DNAH5: variants seen among roughly 807,000 people sequenced by gnomAD.
The protein encoded by DNAH5 is axonemal beta dynein heavy chain 5.
A neutral mutation model predicts 518.2 loss-of-function variants in DNAH5; 372 were observed. The observed-to-expected ratio is 0.72, with a 90% confidence interval of 0.66 to 0.78. The LOEUF is 0.78. Among genes scored for constraint, DNAH5 ranks in the 30% least tolerant of loss-of-function variants. DNAH5 has a pLI of 0.00. For missense variants in DNAH5, 5,523 were observed against 5,687.0 expected (o/e 0.97, Z 0.93); for synonymous variants, 2,039 against 2,025.9 (o/e 1.01, Z -0.17).
rs114070962 is a variant in DNAH5 at position 13,943,304 on chromosome 5, C to T, written c.57+1078G>A. Among the ~76,000 whole-genome samples the T allele has an allele frequency of 8.0e-3, 1,220 of 152,268 alleles. 16 individuals carry two copies. The highest frequency in any genetic ancestry group is 0.028 in the African/African-American group (1,155 of 41,538). ...GAAGATTATTTTAAAATGGAGAGAACTCGCAATCTAGCAAGAGAAAGAGAC... is the reference window on the plus strand; with the variant it reads ...GAAGATTATTTTAAAATGGAGAGAATTCGCAATCTAGCAAGAGAAAGAGAC... On this transcript the variant is annotated intron_variant, in intron 1 of 78. Transcript: ENST00000265104.
chr5:13,965,874 T>C (rs1420794209), intron 1 of DNAH5, among the ~76,000 whole-genome samples: 1 of 152,178 alleles, frequency 6.6e-6, no homozygotes, highest in Non-Finnish European at 1.5e-5. Flanking sequence ...CAAGGTTCCA[T>C]GGACACCAAC....
chr5:13,968,525 G>C (rs1289156860), intron 1 of DNAH5, among the ~76,000 whole-genome samples: 3 of 152,194 alleles, frequency 2.0e-5, no homozygotes, highest in Non-Finnish European at 2.9e-5. Flanking sequence ...AATCATAAAG[G>C]GATGCTAAAT....
chr5:13,777,418 T>G, intron 53 of DNAH5, 63 bp from the exon 54 acceptor site: 1 of 1,480,750 alleles, frequency 6.8e-7, no homozygotes, highest in Non-Finnish European at 9.4e-7. Context: ...AAGAACCTTG[T>G]AACAACGCAT....
Position 13,753,776 on chromosome 5 carries a change from G to A in DNAH5, c.10556-227C>T, listed in dbSNP as rs185598255. ...TGATACCTACTAGCAGTCAAGCACT[G>A]GATTATCTTTACTCTCATTAGAAGT... On this transcript the variant is annotated intron_variant, in intron 62 of 78. Coordinates refer to ENST00000265104, the MANE Select transcript of DNAH5 (RefSeq NM_001369.3). Among the ~76,000 whole-genome samples the A allele has an allele frequency of 2.0e-5, 3 of 152,220 alleles. No individual in the cohort carries two copies. In the East Asian group the frequency reaches 5.8e-4, roughly 29 times the overall value.
intron 65 of DNAH5, among the ~76,000 whole-genome samples, chr5:13,750,491 A>C (rs1022573903): frequency 1.3e-5 from 2 of 152,230 alleles, no homozygotes; most frequent in Non-Finnish European, 2.9e-5. Context: ...GTTATGTTTC[A>C]TTAGCATAAT....
Position 13,885,173 on chromosome 5 carries a change from G to T in DNAH5, c.2799C>A (p.Ala933=), listed in dbSNP as rs770888912. The T allele has an allele frequency of 2.5e-6, 4 of 1,614,008 alleles. No homozygotes were observed. Among genetic ancestry groups the T allele is most frequent in the Non-Finnish European group, 3.4e-6 (4 of 1,179,990 alleles). ...TGACTGTCGTCAAAAGCAGGGCATT[G>T]GCCCTGGCATTAATAGATGATGTCA... ...DTLTSSINAR[A]NALLLTTVTR... is the part of the protein sequence containing the mutation. Residue 933 remains alanine, a synonymous_variant, in exon 19 of 79, where the codon GCC becomes GCA. Transcript: ENST00000265104.
chr5:13,798,890 C>T (rs1758279667), intron 47 of DNAH5, among the ~76,000 whole-genome samples: 1 of 151,768 alleles, frequency 6.6e-6, no homozygotes, highest in Admixed American at 6.6e-5. Flanking sequence ...CCTCAGCCTC[C>T]CAGTAGTTGG....
chr5:13,722,848 A>G (rs1057374111), intron 70 of DNAH5, among the ~76,000 whole-genome samples: 4 of 152,222 alleles, frequency 2.6e-5, no homozygotes, highest in Non-Finnish European at 5.9e-5. Flanking sequence ...CCAACTTTGT[A>G]GAATACACAG....
intron 35 of DNAH5, among the ~76,000 whole-genome samples, chr5:13,835,146 A>T (rs1202117820): frequency 1.3e-5 from 2 of 152,036 alleles, no homozygotes; most frequent in Non-Finnish European, 2.9e-5. Context: ...TTATCCAGGC[A>T]TGATGGCACG....
At chr5:13,983,983 G>A (rs958838695) in intron 1 of DNAH5, among the ~76,000 whole-genome samples, 1 of 152,176 alleles carries the variant, frequency 6.6e-6, no homozygotes, top group African/African-American at 2.4e-5. Flanking sequence ...TAGGTGGGAG[G>A]TGGAAGTAGA....
intron 41 of DNAH5, 81 bp from the exon 42 acceptor site, chr5:13,817,775 G>T: frequency 1.5e-6 from 2 of 1,356,046 alleles, no homozygotes; most frequent in Non-Finnish European, 1.0e-6. Context: ...AATTTGTGGT[G>T]TACTGTCAGC....
intron 30 of DNAH5, among the ~76,000 whole-genome samples, chr5:13,854,571 T>C (rs1346799741): frequency 6.6e-6 from 1 of 152,116 alleles, no homozygotes; most frequent in African/African-American, 2.4e-5. Context: ...AGACACAGAC[T>C]GGCAAATTTA....
chr5:13,735,468 A>G (rs890250465), intron 67 of DNAH5, 147 bp from the exon 68 acceptor site: 2 of 777,262 alleles, frequency 2.6e-6, no homozygotes, highest in African/African-American at 1.8e-5. Context: ...AATCTAAAAT[A>G]ACAAGAATTC....
chr5:13,813,430 GA>G (rs201129753), intron 43 of DNAH5, among the ~76,000 whole-genome samples: 11 of 111,622 alleles, frequency 9.9e-5, no homozygotes, highest in African/African-American at 3.3e-4. Context: ...CTGGCTATGT[GA>G]AAAAAAAATG....
Position 13,700,864 on chromosome 5 carries a change from G to C in DNAH5, c.13499C>G (p.Thr4500Ser), listed in dbSNP as rs1292892510. 1.9e-6 allele frequency: 3 copies of C among 1,614,000 alleles called. No homozygotes were observed. Among genetic ancestry groups the C allele is most frequent in the Admixed American group, 3.3e-5 (2 of 60,010 alleles). The change falls in exon 78 of 79, where the codon ACT becomes AGT. Residue 4500 changes from threonine to serine, a missense_variant. Physicochemically the swap from Thr to Ser is moderately conservative, Grantham distance 58. Transcript: ENST00000265104. Reference sequence around the variant, plus strand: ...CAGAGCCCAGCCTTTGTTGGCCCGAGTTATTTCCTATTCAGGGCAGCAAAA... The same window carrying C: ...CAGAGCCCAGCCTTTGTTGGCCCGACTTATTTCCTATTCAGGGCAGCAAAA... ...GFLTAMRQEI[T>S]RANKGWALDN...
intron 68 of DNAH5, among the ~76,000 whole-genome samples, chr5:13,730,475 C>A (rs942681906): frequency 6.6e-6 from 1 of 152,098 alleles, no homozygotes; most frequent in Non-Finnish European, 1.5e-5. Context: ...CGTTCTGTAG[C>A]CCAGGCTGGA....
intron 29 of DNAH5, among the ~76,000 whole-genome samples, chr5:13,861,580 C>T (rs1434604031): frequency 6.6e-6 from 1 of 152,092 alleles, no homozygotes; most frequent in East Asian, 1.9e-4. Flanking sequence ...AGCAATGAAA[C>T]AAGGAAATGT....
intron 11 of DNAH5, 95 bp downstream of exon 11, chr5:13,913,648 T>TA: frequency 7.0e-7 from 1 of 1,418,862 alleles, no homozygotes. Context: ...CTTTACAGAC[T>TA]GATGATTTGA....
rs146594334 is a variant in DNAH5, at chr5:13,823,359, A to T, written c.6591T>A (p.Asp2197Glu). 1.2e-6 allele frequency: 2 copies of T among 1,609,354 alleles called. No homozygotes were observed. Among genetic ancestry groups the T allele is most frequent in the African/African-American group, 2.7e-5 (2 of 74,864 alleles). Residue 2197 changes from aspartate to glutamate, a missense_variant, in exon 40 of 79, where the codon GAT becomes GAA. Around this residue, in one of 3 missense-constraint regions of DNAH5, gnomAD observed 5,121 missense variants for 5,223.3 expected, o/e 0.98. Transcript: ENST00000265104. ...CAATCAAACTCAAAAACAAGGGTTC[A>T]TCCTCATCAATCTAAAAAAAGAAAA... ...DMNLSKLIDE[D>E]EPLFLSLIED...
Sources: allele counts gnomAD v4.1 joint callset (sites outside exome capture counted in the v4.1 genomes callset), GRCh38; gene constraint gnomAD v4.1.1; regional missense constraint gnomAD v4.1.1; transcripts MANE v1.5; gene names NCBI Gene and HGNC (gene_info 2026-07-23, HGNC 2026-07-21).